Variants in CLTCL1 observed in about 807,000 individuals in gnomAD.
CLTCL1 encodes the protein clathrin heavy chain like 1.
CLTCL1 carries 159 observed loss-of-function variants against 190.0 expected under a neutral mutation model. That is an observed-to-expected ratio of 0.84 (90% CI 0.74 to 0.95). The LOEUF is 0.95. Among genes scored for constraint, CLTCL1 ranks in the 40% least tolerant of loss-of-function variants. The pLI is 0.00. For missense variants in CLTCL1, 1,878 were observed against 2,033.4 expected, an observed-to-expected ratio of 0.92 and a Z score of 1.47; for synonymous variants, 752 against 769.6, an observed-to-expected ratio of 0.98 and a Z score of 0.38.
At position 19,233,559 on chromosome 22, in the gene CLTCL1, C is replaced by T. The variant is rs782388260; in HGVS notation, c.1231G>A (p.Ala411Thr). ...FQSIPAQSGQ[A>T]SPLLQYFGIL... ...CCGAAGTACTGCAGCAATGGAGAAG[C>T]CTGGCCAGACTGAGCGGGTATACTC... The change falls in exon 8 of 33, where the codon GCT (alanine) becomes ACT (threonine). Residue 411 changes from alanine (A) to threonine (T), a missense_variant. Coordinates refer to ENST00000427926, the MANE Select transcript of CLTCL1 (RefSeq NM_007098.4). 1.2e-6 allele frequency: 2 copies of T among 1,613,876 alleles called. No homozygotes were observed. Among genetic ancestry groups the T allele is most frequent in the Non-Finnish European group, 1.7e-6 (2 of 1,179,894 alleles).
intron 2 of CLTCL1, among the ~76,000 whole-genome samples, chr22:19,272,245 A>T (rs2087344339): frequency 6.6e-6 from 1 of 152,224 alleles, no homozygotes; most frequent in African/African-American, 2.4e-5. Flanking sequence ...CTTTAAGTCA[A>T]AGGCAAAATG....
chr22:19,224,441 G>A lies in CLTCL1; in HGVS notation c.2129-387C>T, dbSNP rs1363843601. Reference sequence around the variant, plus strand: ...GAGAAATAAGCCATGGCCTCCAGGAGGAGGCCTGCAACTCAACACAGAGCT... The same window carrying A: ...GAGAAATAAGCCATGGCCTCCAGGAAGAGGCCTGCAACTCAACACAGAGCT... On this transcript the variant is annotated intron_variant, in intron 13 of 32. Coordinates refer to ENST00000427926, the MANE Select transcript of CLTCL1 (RefSeq NM_007098.4). Among the ~76,000 whole-genome samples the A allele has an allele frequency of 3.3e-5, 5 of 152,282 alleles. No individual in the cohort carries two copies. The East Asian group carries it at 9.6e-4, about 29-fold the overall frequency.
intron 2 of CLTCL1, among the ~76,000 whole-genome samples, chr22:19,272,452 T>G (rs558869296): frequency 6.6e-6 from 1 of 152,218 alleles, no homozygotes; most frequent in East Asian, 1.9e-4. Flanking sequence ...AATTTTTTTT[T>G]GAGACAGAGT....
intron 24 of CLTCL1, among the ~76,000 whole-genome samples, chr22:19,199,364 A>G (rs985062285): frequency 2.0e-5 from 3 of 152,158 alleles, no homozygotes; most frequent in Non-Finnish European, 4.4e-5. Context: ...GGGGCTGCAC[A>G]CTGTGGGGAA....
At position 19,221,439 on chromosome 22, in the gene CLTCL1, G is replaced by A. The variant is rs782337668; in HGVS notation, c.2734C>T (p.Arg912Ter). 7.0e-6 allele frequency: 11 copies of A among 1,570,018 alleles called. No individual in the cohort carries two copies. The Admixed American group carries it at 9.4e-5, about 13-fold the overall frequency. The change falls in exon 17 of 33, where the codon CGA (arginine) becomes TGA (stop). Residue 912 changes from arginine (R) to a stop codon, truncating the protein, a stop_gained. Coordinates refer to ENST00000427926, the MANE Select transcript of CLTCL1 (RefSeq NM_007098.4). LOFTEE classifies it high-confidence loss of function. ...GCAACACAGGCCAGATGGGGGTCTC[G>A]CTTCTCACAGTAGCGGCCCACCACG... The part of the protein sequence containing the change: ...SSVVGRYCEK[R>*]DPHLACVAYE...
chr22:19,199,778 C>A lies in CLTCL1; in HGVS notation c.3829G>T (p.Val1277Phe). 6.3e-7 allele frequency: 1 copy of A among 1,597,722 alleles called. No individual in the cohort carries two copies. The highest frequency in any genetic ancestry group is 8.5e-7 in the Non-Finnish European group (1 of 1,172,480). ...TCCTCCAGCTCATCTGCATGAATGA[C>A]GATGTGAAGACCACACAGCTGTGCG... is the stretch of plus-strand genomic sequence containing the variant. ...RFAQLCGLHI[V>F]IHADELEELM... is the part of the protein sequence containing the mutation. Residue 1277 changes from valine (V) to phenylalanine (F), a missense_variant, in exon 24 of 33, where the codon GTC (valine) becomes TTC (phenylalanine). Physicochemically the swap from Val to Phe is conservative, Grantham distance 50 (BLOSUM62 -1). Coordinates refer to ENST00000427926, the MANE Select transcript of CLTCL1 (RefSeq NM_007098.4).
intron 18 of CLTCL1, among the ~76,000 whole-genome samples, chr22:19,219,415 C>T (rs1010955998): frequency 1.3e-5 from 2 of 150,684 alleles, no homozygotes; most frequent in African/African-American, 4.9e-5. Context: ...GAACTCCTGA[C>T]CTCAAGTCAT....
In CLTCL1 at chr22:19,234,539, T is replaced by C. The variant is rs2086017499; in HGVS notation, c.1137A>G (p.Glu379=). 2.5e-6 allele frequency: 4 copies of C among 1,613,766 alleles called. No homozygotes were observed. The highest frequency in any genetic ancestry group is 1.6e-4 in the Middle Eastern group (1 of 6,072). The change falls in exon 7 of 33, where the codon GAA becomes GAG. Residue 379 remains glutamate, a synonymous_variant. Coordinates refer to ENST00000427926, the MANE Select transcript of CLTCL1 (RefSeq NM_007098.4). ...GTGCAGACGCTGCAACTTTGGCGGCTTCAGCATAGCTGCCCTGTGCAAAGA... is the reference window on the plus strand; with the variant it reads ...GTGCAGACGCTGCAACTTTGGCGGCCTCAGCATAGCTGCCCTGTGCAAAGA... ...NTLFAQGSYA[E]AAKVAASAPK...
intron 17 of CLTCL1, 138 bp downstream of exon 17, chr22:19,221,239 G>C: frequency 3.0e-6 from 2 of 675,996 alleles, no homozygotes; most frequent in Non-Finnish European, 4.9e-6. Flanking sequence ...AAAGCTGTGA[G>C]AATCACAAGG....
rs376516701 is a variant in CLTCL1, at chr22:19,201,391, C to T, written c.3703G>A (p.Gly1235Ser). ...TTGTCCACTGCTGCCTGATACTCAC[C>T]GAGGTGAACCAAGGTGGAAGCCAGG... ...ARLASTLVHL[G>S]EYQAAVDNSR... The change falls in exon 23 of 33, where the codon GGT (glycine) becomes AGT (serine). Residue 1235 changes from glycine (G) to serine (S), a missense_variant. Physicochemically the swap from Gly to Ser is moderately conservative, Grantham distance 56 (BLOSUM62 0). Coordinates refer to ENST00000427926, the MANE Select transcript of CLTCL1 (RefSeq NM_007098.4). The T allele has an allele frequency of 3.5e-5, 56 of 1,613,694 alleles. No individual in the cohort carries two copies. In the African/African-American group the frequency reaches 3.7e-4, roughly 11 times the overall value.
rs567114641 is a variant in CLTCL1, at chr22:19,201,343, G to A, written c.3751C>T (p.Arg1251Trp). The A allele has an allele frequency of 1.8e-5, 29 of 1,612,062 alleles. No individual in the cohort carries two copies. The highest frequency in any genetic ancestry group is 1.8e-4 in the Middle Eastern group (1 of 5,592). Residue 1251 changes from arginine to tryptophan, a missense_variant, in exon 23 of 33, where the codon CGG (arginine) becomes TGG (tryptophan). Arg to Trp is a moderately radical substitution (Grantham distance 101). Transcript: ENST00000427926. ...VDNSRKASSTRTWKEVCFACM... is the reference protein window; with the variant it reads ...VDNSRKASSTWTWKEVCFACM... ...CCGCAGCTCACCTCCTTCCACGTCC[G>A]GGTGCTGCTGGCCTTGCGGCTGTTG...
rs782106105 is a variant in CLTCL1 at position 19,201,335 on chromosome 22, C to T, written c.3759G>A (p.Trp1253Ter). 5.0e-6 allele frequency: 8 copies of T among 1,610,480 alleles called. No individual in the cohort carries two copies. The Admixed American group carries it at 5.0e-5, about 10-fold the overall frequency. Residue 1253 changes from tryptophan to a stop codon, truncating the protein, a stop_gained, in exon 23 of 33, where the codon TGG (tryptophan) becomes TGA (stop). Coordinates refer to ENST00000427926, the MANE Select transcript of CLTCL1 (RefSeq NM_007098.4). LOFTEE classifies it high-confidence loss of function. ...GCAGTTGCCCGCAGCTCACCTCCTT[C>T]CACGTCCGGGTGCTGCTGGCCTTGC... ...NSRKASSTRTWKEVCFACMDG... is the reference protein window; with the variant it reads ...NSRKASSTRT
chr22:19,220,048 C>A (rs1555951552), intron 17 of CLTCL1, 41 bp from the exon 18 acceptor site: 1 of 1,612,484 alleles, frequency 6.2e-7, no homozygotes, highest in East Asian at 2.2e-5. Context: ...AGCAGCCAAC[C>A]AGCGGAAGCT....
At chr22:19,226,678 T>C (rs2085756434) in intron 11 of CLTCL1, among the ~76,000 whole-genome samples, 1 of 152,206 alleles carries the variant, frequency 6.6e-6, no homozygotes, top group Non-Finnish European at 1.5e-5. Flanking sequence ...CATAAAGCCC[T>C]ATTACTGGGA....
intron 22 of CLTCL1, among the ~76,000 whole-genome samples, chr22:19,203,172 G>A (rs199771177): frequency 1.3e-5 from 2 of 152,100 alleles, no homozygotes; most frequent in East Asian, 3.9e-4. Context: ...AAAATTAGCT[G>A]AGCGTGGTGG....
In CLTCL1 at chr22:19,277,427, G is replaced by A. The variant is rs114145369; in HGVS notation, c.43-1597C>T. ...TTCTGACCACAATACTGAGTTGTTTGAAATTCATATTCCATTTTAACACAG... is the reference window on the plus strand; with the variant it reads ...TTCTGACCACAATACTGAGTTGTTTAAAATTCATATTCCATTTTAACACAG... On this transcript the variant is annotated intron_variant, in intron 1 of 32. Transcript: ENST00000427926. 6.6e-3 allele frequency among the ~76,000 whole-genome samples: 1,003 copies of A among 152,264 alleles called. 14 individuals carry two copies. The highest frequency in any genetic ancestry group is 0.023 in the African/African-American group (946 of 41,564).
chr22:19,199,374 A>ACTAGG (rs2084807669), intron 24 of CLTCL1, among the ~76,000 whole-genome samples: 1 of 152,194 alleles, frequency 6.6e-6, no homozygotes, highest in Non-Finnish European at 1.5e-5. Flanking sequence ...ACTGTGGGGA[A>ACTAGG]CTAGGCTATG....
intron 9 of CLTCL1, 42 bp from the exon 10 acceptor site, chr22:19,232,640 C>A (rs782553532): frequency 6.4e-7 from 1 of 1,573,368 alleles, no homozygotes; most frequent in Non-Finnish European, 8.6e-7. Context: ...CAATGAAAAA[C>A]CCTGGGCATT....
chr22:19,275,310 G>T (rs2087462154), intron 2 of CLTCL1, among the ~76,000 whole-genome samples: 1 of 152,026 alleles, frequency 6.6e-6, no homozygotes, highest in Admixed American at 6.6e-5. Flanking sequence ...CCTCAGGCAA[G>T]GGGGCCACAC....
Sources: gnomAD v4.1 joint callset for allele counts (sites outside exome capture counted in the v4.1 genomes callset) on GRCh38, gnomAD v4.1.1 for gene constraint, MANE v1.5 for transcripts, NCBI Gene and HGNC (gene_info 2026-07-23, HGNC 2026-07-21) for gene names.